ITGA8: variants seen among roughly 807,000 people sequenced by gnomAD.
ITGA8 encodes integrin subunit alpha 8.
In ITGA8, 91 loss-of-function variants were observed where a neutral mutation model predicts 142.3. The ratio of observed to expected loss-of-function variants is 0.64; its 90% CI spans 0.54 to 0.76. The LOEUF (loss-of-function observed/expected upper bound fraction) is 0.76. Among genes scored for constraint, ITGA8 ranks in the 30% least tolerant of loss-of-function variants. The pLI, the probability that ITGA8 is intolerant of heterozygous loss-of-function variation, is 0.00. For synonymous variants in ITGA8, 505 were observed against 485.2 expected, an observed-to-expected ratio of 1.04 and a Z score of -0.54; for missense variants, 1,406 against 1,327.7, an observed-to-expected ratio of 1.06 and a Z score of -0.92.
At chr10:15,618,490 G>A (rs1833433993) in intron 13 of ITGA8, among the ~76,000 whole-genome samples, 1 of 152,186 alleles carries the variant, frequency 6.6e-6, no homozygotes, top group African/African-American at 2.4e-5. Flanking sequence ...CACATGTGAT[G>A]TTGAGTGTCA....
chr10:15,608,386 T>C (rs1298746795), intron 15 of ITGA8, 96 bp from the exon 16 acceptor site: 1 of 677,250 alleles, frequency 1.5e-6, no homozygotes, highest in South Asian at 1.8e-5. Flanking sequence ...TATCATTTTC[T>C]CTATATATTT....
At chr10:15,697,888 G>A (rs900433885) in intron 2 of ITGA8, among the ~76,000 whole-genome samples, 2 of 152,104 alleles carry the variant, frequency 1.3e-5, no homozygotes, top group Non-Finnish European at 2.9e-5. Flanking sequence ...AAAGAAAAAT[G>A]GTATTATATT....
intron 13 of ITGA8, among the ~76,000 whole-genome samples, chr10:15,626,758 C>T (rs544728006): frequency 6.6e-6 from 1 of 152,238 alleles, no homozygotes; most frequent in East Asian, 1.9e-4. Flanking sequence ...CAGACATATG[C>T]ACAGAGAGAA....
At chr10:15,539,866 A>G (rs906087989) in intron 27 of ITGA8, among the ~76,000 whole-genome samples, 17 of 152,158 alleles carry the variant, frequency 1.1e-4, no homozygotes, top group African/African-American at 3.9e-4. Context: ...CCCCAGTGTC[A>G]AGGGTGGGGC....
intron 6 of ITGA8, among the ~76,000 whole-genome samples, chr10:15,677,096 C>T (rs576389467): frequency 1.3e-5 from 2 of 152,270 alleles, no homozygotes; most frequent in South Asian, 4.1e-4. Flanking sequence ...AAGTTGATCT[C>T]ATCGAAGTAG....
chr10:15,637,444 A>G (rs991933423), intron 13 of ITGA8, among the ~76,000 whole-genome samples: 1 of 152,132 alleles, frequency 6.6e-6, no homozygotes, highest in Admixed American at 6.5e-5. Flanking sequence ...AATAGTATTC[A>G]ATGGGAATCT....
At chr10:15,661,784 G>A (rs1588705803) in intron 8 of ITGA8, among the ~76,000 whole-genome samples, 1 of 152,290 alleles carries the variant, frequency 6.6e-6, no homozygotes, top group East Asian at 1.9e-4. Context: ...CAGTAGGAGG[G>A]CAGGGGAAGC....
intron 13 of ITGA8, among the ~76,000 whole-genome samples, chr10:15,626,349 CA>C (rs1470059402): frequency 6.6e-6 from 1 of 152,088 alleles, no homozygotes; most frequent in African/African-American, 2.4e-5. Context: ...GCCTCCTGAG[CA>C]GCTGGGATTA....
chr10:15,638,525 A>G (rs1021967833), intron 13 of ITGA8, among the ~76,000 whole-genome samples: 13 of 152,232 alleles, frequency 8.5e-5, no homozygotes, highest in African/African-American at 3.1e-4. Flanking sequence ...AGAGCTGCTA[A>G]GCATTTTGTC....
intron 10 of ITGA8, 146 bp from the exon 11 acceptor site, chr10:15,655,552 T>A: frequency 1.5e-6 from 1 of 650,654 alleles, no homozygotes; most frequent in South Asian, 1.9e-5. Flanking sequence ...AGGGTCTTTT[T>A]GCCTCATTTA....
intron 26 of ITGA8, among the ~76,000 whole-genome samples, chr10:15,549,797 C>T (rs543611844): frequency 2.0e-4 from 30 of 152,128 alleles, no homozygotes; most frequent in East Asian, 7.7e-4. Flanking sequence ...GAACATATTA[C>T]GACAAGAACC....
chr10:15,689,491 T>G (rs1445516568), intron 2 of ITGA8, among the ~76,000 whole-genome samples: 1 of 152,204 alleles, frequency 6.6e-6, no homozygotes, highest in East Asian at 1.9e-4. Flanking sequence ...CCCATCACTG[T>G]CGTGGACACC....
At chr10:15,693,379 A>G (rs2131715430) in intron 2 of ITGA8, among the ~76,000 whole-genome samples, 1 of 152,346 alleles carries the variant, frequency 6.6e-6, no homozygotes, top group Middle Eastern at 3.4e-3. Context: ...ATGATTACAG[A>G]CTGTTTAAAG....
At chr10:15,688,427 T>C (rs1834873814) in intron 2 of ITGA8, among the ~76,000 whole-genome samples, 1 of 151,894 alleles carries the variant, frequency 6.6e-6, no homozygotes, top group African/African-American at 2.4e-5. Flanking sequence ...ACTGAGATTG[T>C]GCTGCTACAC....
rs769153976 is a variant in ITGA8, at chr10:15,718,844, C to G, written c.265G>C (p.Glu89Gln). ...GGACAGTAATAGACGGCTCCCCCTT[C>G]CACGATATCGGGCTGGCTGGTGTTG... ...KANTSQPDIV[E>Q]GGAVYYCPWP... The change falls in exon 2 of 30, where the codon GAA becomes CAA. Residue 89 changes from glutamate to glutamine, a missense_variant. Coordinates refer to ENST00000378076, the MANE Select transcript of ITGA8 (RefSeq NM_003638.3). 34 of 1,614,076 alleles carry G rather than the reference C, an allele frequency of 2.1e-5. No homozygotes were observed. Among genetic ancestry groups the G allele is most frequent in the Non-Finnish European group, 2.6e-5 (31 of 1,180,044 alleles).
Position 15,517,042 on chromosome 10 carries a change from C to CAGTAAAA in ITGA8, c.*115_*116insTTTTACT. On this transcript the variant is annotated 3_prime_UTR_variant, in exon 30 of 30. Coordinates refer to ENST00000378076, the MANE Select transcript of ITGA8 (RefSeq NM_003638.3). ...TGAGGTGATGTTTCCAGGGTCCCCT[C>CAGTAAAA]CATTTCCTGGGTCACTGTCAGGTAT... is the stretch of plus-strand genomic sequence containing the variant. 1.8e-6 allele frequency: 1 copy of CAGTAAAA among 564,246 alleles called. No homozygotes were observed. Among genetic ancestry groups the CAGTAAAA allele is most frequent in the South Asian group, 3.3e-5 (1 of 30,556 alleles). The allele number at this position is 564,246 out of a possible 1,614,324, so 35.0% of individuals were successfully genotyped here. A position where few individuals can be genotyped will look rare whatever the true frequency, so the allele number is the denominator to read the frequency against.
intron 5 of ITGA8, among the ~76,000 whole-genome samples, chr10:15,677,860 A>G (rs770887746): frequency 1.2e-4 from 19 of 152,092 alleles, no homozygotes; most frequent in Admixed American, 3.3e-4. Context: ...ATTTGACTCA[A>G]TTAGGTAAGT....
chr10:15,626,052 A>C (rs1230088319), intron 13 of ITGA8, among the ~76,000 whole-genome samples: 1 of 152,160 alleles, frequency 6.6e-6, no homozygotes, highest in Non-Finnish European at 1.5e-5. Flanking sequence ...GGCACCTGCC[A>C]GGCAAAAACT....
At chr10:15,716,838 T>C (rs1002640739) in intron 2 of ITGA8, among the ~76,000 whole-genome samples, 1 of 152,068 alleles carries the variant, frequency 6.6e-6, no homozygotes, top group Non-Finnish European at 1.5e-5. Context: ...GATTTTGTAT[T>C]TTTAGTAGAG....
Sources: allele counts gnomAD v4.1 joint callset (sites outside exome capture counted in the v4.1 genomes callset), GRCh38; gene constraint gnomAD v4.1.1; transcripts MANE v1.5; gene names NCBI Gene and HGNC (gene_info 2026-07-23, HGNC 2026-07-21).